MAPKAP1: variants seen among roughly 807,000 people sequenced by gnomAD.
The protein encoded by MAPKAP1 is target of rapamycin complex 2 subunit MAPKAP1.
MAPKAP1 carries 20 observed loss-of-function variants against 65.7 expected under a neutral mutation model. That is an observed-to-expected ratio of 0.30 (90% CI 0.21 to 0.44). The LOEUF (loss-of-function observed/expected upper bound fraction) is 0.44. Ranked by LOEUF, MAPKAP1 falls within the 20% of genes least tolerant of loss-of-function variation. MAPKAP1 has a pLI of 1.00. For missense variants in MAPKAP1, 423 were observed against 648.0 expected (o/e 0.65, Z 3.77); for synonymous variants, 222 against 244.3 (o/e 0.91, Z 0.85).
chr9:125,525,532 G>A lies in MAPKAP1; in HGVS notation c.958+17527C>T, dbSNP rs183286416. ...CTACTAAAAATACAAAATTAGCCGG[G>A]TGCGGTGGCGCATGCCTGTAATCCC... On this transcript the variant is annotated intron_variant, in intron 7 of 11. Coordinates refer to ENST00000265960, the MANE Select transcript of MAPKAP1 (RefSeq NM_001006617.3). Among the ~76,000 whole-genome samples the A allele has an allele frequency of 3.0e-3, 461 of 152,240 alleles. 6 individuals are homozygous for A. The highest frequency in any genetic ancestry group is 0.027 in the Admixed American group (411 of 15,298).
At chr9:125,574,968 T>C (rs1032149885) in intron 5 of MAPKAP1, among the ~76,000 whole-genome samples, 1 of 152,220 alleles carries the variant, frequency 6.6e-6, no homozygotes, top group African/African-American at 2.4e-5. Context: ...TAGCTGTGAA[T>C]CTCACACTTT....
In MAPKAP1 at chr9:125,477,790, G is replaced by A. The variant is rs186435927; in HGVS notation, c.1207+6653C>T. Among the ~76,000 whole-genome samples, 5 of 152,270 alleles carry A rather than the reference G, an allele frequency of 3.3e-5. 1 individual carries two copies. Among genetic ancestry groups the A allele is most frequent in the South Asian group, 4.1e-4 (2 of 4,824 alleles). On this transcript the variant is annotated intron_variant, in intron 9 of 11. Coordinates refer to ENST00000265960, the MANE Select transcript of MAPKAP1 (RefSeq NM_001006617.3). Reference sequence around the variant, plus strand: ...CTAACTTACTTCCCCCTACCAGCCCGTTTGGGTGGCACATATCTCAGTGTG... The same window carrying A: ...CTAACTTACTTCCCCCTACCAGCCCATTTGGGTGGCACATATCTCAGTGTG...
intron 10 of MAPKAP1, among the ~76,000 whole-genome samples, chr9:125,458,166 G>T (rs548025881): frequency 6.6e-6 from 1 of 151,296 alleles, no homozygotes; most frequent in East Asian, 1.9e-4. Context: ...ACTTACGATA[G>T]AAAGGCTAAT....
At chr9:125,628,280 G>A (rs1446832267) in intron 4 of MAPKAP1, among the ~76,000 whole-genome samples, 1 of 152,044 alleles carries the variant, frequency 6.6e-6, no homozygotes, top group Non-Finnish European at 1.5e-5. Context: ...GACAGAAAAT[G>A]GAATGGGCAA....
chr9:125,582,399 T>G (rs1202081614), intron 5 of MAPKAP1, among the ~76,000 whole-genome samples: 2 of 152,198 alleles, frequency 1.3e-5, no homozygotes, highest in Non-Finnish European at 2.9e-5. Flanking sequence ...CTAGCTATCC[T>G]CGTGTGCTTT....
At chr9:125,514,611 C>A (rs1013095247) in intron 7 of MAPKAP1, among the ~76,000 whole-genome samples, 1 of 152,194 alleles carries the variant, frequency 6.6e-6, no homozygotes, top group Non-Finnish European at 1.5e-5. Flanking sequence ...AGCTTAAAAG[C>A]AAGCTTGTTC....
At chr9:125,460,974 C>A (rs186335081) in intron 10 of MAPKAP1, among the ~76,000 whole-genome samples, 21 of 152,314 alleles carry the variant, frequency 1.4e-4, no homozygotes, top group Middle Eastern at 3.4e-3. Context: ...GCCTAAAGCA[C>A]AAGTCAGATG....
At chr9:125,656,300 T>C (rs1316559841) in intron 4 of MAPKAP1, among the ~76,000 whole-genome samples, 4 of 152,190 alleles carry the variant, frequency 2.6e-5, no homozygotes, top group Non-Finnish European at 5.9e-5. Context: ...CTGGGGGAAC[T>C]TCCTTCTCCA....
intron 4 of MAPKAP1, among the ~76,000 whole-genome samples, chr9:125,593,053 T>C (rs2131594268): frequency 6.6e-6 from 1 of 150,642 alleles, no homozygotes; most frequent in South Asian, 2.1e-4. Context: ...TCCCAGCACT[T>C]TGGGAGGCCG....
rs1050047757 is a variant in MAPKAP1 at position 125,663,413 on chromosome 9, T to C, written c.350-5614A>G. ...CAAACAGTACCTTCCTAATGAGCCC[T>C]TCCTTGGCCACCCTACACAAAATAG... On this transcript the variant is annotated intron_variant, in intron 3 of 11. Coordinates refer to ENST00000265960, the MANE Select transcript of MAPKAP1 (RefSeq NM_001006617.3). 5.3e-5 allele frequency among the ~76,000 whole-genome samples: 8 copies of C among 152,286 alleles called. No individual in the cohort carries two copies. The South Asian group carries it at 1.7e-3, about 32-fold the overall frequency.
chr9:125,495,638 C>T (rs4837017), intron 8 of MAPKAP1, among the ~76,000 whole-genome samples: 9 of 152,030 alleles, frequency 5.9e-5, no homozygotes, highest in Non-Finnish European at 1.0e-4. Flanking sequence ...AAAACGGAAA[C>T]GGGGGAACTT....
rs1403717933 is a variant in MAPKAP1, at chr9:125,672,544, G to C, written c.31C>G (p.Leu11Val). 1.2e-6 allele frequency: 2 copies of C among 1,614,206 alleles called. No homozygotes were observed. The highest frequency in any genetic ancestry group is 2.2e-5 in the East Asian group (1 of 44,888). The change falls in exon 2 of 12, where the codon CTA (leucine) becomes GTA (valine). Residue 11 changes from leucine (L) to valine (V), a missense_variant. This residue lies in a region of MAPKAP1 where 14 missense variants were observed against 35.3 expected (regional missense o/e 0.40). Coordinates refer to ENST00000265960, the MANE Select transcript of MAPKAP1 (RefSeq NM_001006617.3). MAFLDNPTII[L>V]AHIRQSHVTS... is the part of the protein sequence containing the mutation. ...ACATGTGACTGTCGAATATGAGCTA[G>C]AATGATAGTTGGATTGTCCAAGAAG...
At chr9:125,471,287 G>C (rs1444732621) in intron 9 of MAPKAP1, 1 of 152,394 alleles carries the variant, frequency 6.6e-6, no homozygotes, top group East Asian at 1.9e-4. Context: ...GGCAAACAGA[G>C]GCCTCTCTGT....
At chr9:125,455,500 A>G (rs931124105) in intron 10 of MAPKAP1, among the ~76,000 whole-genome samples, 1 of 152,250 alleles carries the variant, frequency 6.6e-6, no homozygotes, top group African/African-American at 2.4e-5. Flanking sequence ...ACACAAGAAG[A>G]GAGAAAAAAA....
At chr9:125,563,392 T>C (rs1373241641) in intron 5 of MAPKAP1, among the ~76,000 whole-genome samples, 1 of 152,208 alleles carries the variant, frequency 6.6e-6, no homozygotes, top group Admixed American at 6.5e-5. Flanking sequence ...CCAAATCTCT[T>C]TGAGCTCCAT....
chr9:125,445,103 T>C (rs1852657661), intron 10 of MAPKAP1, among the ~76,000 whole-genome samples: 1 of 149,382 alleles, frequency 6.7e-6, no homozygotes, highest in Non-Finnish European at 1.5e-5. Context: ...TGGAAGCTGC[T>C]CCCAAAGGCC....
chr9:125,661,423 C>T (rs1834181262), intron 3 of MAPKAP1, among the ~76,000 whole-genome samples: 2 of 152,168 alleles, frequency 1.3e-5, no homozygotes, highest in Admixed American at 1.3e-4. Flanking sequence ...ACAAACATCC[C>T]TCACCGGGGC....
intron 4 of MAPKAP1, among the ~76,000 whole-genome samples, chr9:125,625,264 A>AAT (rs1833080020): frequency 7.2e-6 from 1 of 138,184 alleles, no homozygotes; most frequent in African/African-American, 2.7e-5. Context: ...ATAAAAAAAA[A>AAT]AAAAAAAAAA....
intron 4 of MAPKAP1, among the ~76,000 whole-genome samples, chr9:125,632,225 GAAA>G (rs57409863): frequency 0.52 from 74,448 of 143,374 alleles, 19,686 homozygotes; most frequent in East Asian, 0.7. Flanking sequence ...CCGTCTCAAA[GAAA>G]AAAAAAAAAG....
Sources: allele counts gnomAD v4.1 joint callset (sites outside exome capture counted in the v4.1 genomes callset), GRCh38; gene constraint gnomAD v4.1.1; regional missense constraint gnomAD v4.1.1; transcripts MANE v1.5; gene names NCBI Gene and HGNC (gene_info 2026-07-23, HGNC 2026-07-21).